TMEM163: variants seen among roughly 807,000 people sequenced by gnomAD.
The protein encoded by TMEM163 is transmembrane protein 163.
TMEM163 carries 17 observed loss-of-function variants against 29.3 expected under a neutral mutation model. The ratio of observed to expected loss-of-function variants is 0.58; its 90% CI spans 0.40 to 0.87. The LOEUF (loss-of-function observed/expected upper bound fraction) is 0.87, where lower values mean the gene tolerates loss of function less well. Among genes scored for constraint, TMEM163 ranks in the 40% least tolerant of loss-of-function variants. The pLI, the probability that TMEM163 is intolerant of heterozygous loss-of-function variation, is 0.00. For synonymous variants in TMEM163, 157 were observed against 160.6 expected, an observed-to-expected ratio of 0.98 and a Z score of 0.17; for missense variants, 303 against 381.5, an observed-to-expected ratio of 0.79 and a Z score of 1.71.
At chr2:134,682,163 T>A (rs1017696428) in intron 2 of TMEM163, among the ~76,000 whole-genome samples, 1 of 152,220 alleles carries the variant, frequency 6.6e-6, no homozygotes, top group African/African-American at 2.4e-5. Context: ...CTACTGCTAT[T>A]CTTGATGCAT....
chr2:134,589,078 A>G (rs1394855846), intron 2 of TMEM163, among the ~76,000 whole-genome samples: 1 of 152,232 alleles, frequency 6.6e-6, no homozygotes, highest in Non-Finnish European at 1.5e-5. Context: ...GGCTACTGCA[A>G]TAGTCCATGC....
intron 2 of TMEM163, among the ~76,000 whole-genome samples, chr2:134,638,638 C>T (rs1037697569): frequency 6.6e-6 from 1 of 152,086 alleles, no homozygotes. Flanking sequence ...ACAGGAGAAA[C>T]CACAGAGGGA....
chr2:134,466,485 C>T, intron 5 of TMEM163: 1 of 408,024 alleles, frequency 2.5e-6, no homozygotes, highest in South Asian at 2.6e-5. Flanking sequence ...GATTGACCTC[C>T]CCACTATTCT....
chr2:134,664,158 A>G (rs1186820586), intron 2 of TMEM163, among the ~76,000 whole-genome samples: 1 of 152,216 alleles, frequency 6.6e-6, no homozygotes, highest in African/African-American at 2.4e-5. Context: ...AAGCTCCCTC[A>G]CAGCGAGTAC....
At chr2:134,546,876 C>A (rs1680800924) in intron 4 of TMEM163, among the ~76,000 whole-genome samples, 1 of 152,022 alleles carries the variant, frequency 6.6e-6, no homozygotes, top group African/African-American at 2.4e-5. Flanking sequence ...AATTGTGTCA[C>A]ATGCTACAAA....
chr2:134,457,821 C>G (rs755292953), intron 7 of TMEM163, among the ~76,000 whole-genome samples: 7 of 152,232 alleles, frequency 4.6e-5, no homozygotes, highest in East Asian at 1.9e-4. Flanking sequence ...AGGCCTGATA[C>G]CTCTTGTCCC....
chr2:134,562,733 A>G (rs551827972), intron 2 of TMEM163, among the ~76,000 whole-genome samples: 20 of 152,352 alleles, frequency 1.3e-4, no homozygotes, highest in Non-Finnish European at 2.5e-4. Context: ...CAAAGAATAC[A>G]AGTTAAACAT....
intron 2 of TMEM163, among the ~76,000 whole-genome samples, chr2:134,576,780 C>G (rs2104790455): frequency 2.0e-5 from 3 of 152,290 alleles, no homozygotes; most frequent in Middle Eastern, 6.8e-3. Context: ...ACCTAAGTTC[C>G]TCTGATGCAC....
chr2:134,641,299 G>A (rs1683214950), intron 2 of TMEM163, among the ~76,000 whole-genome samples: 1 of 152,138 alleles, frequency 6.6e-6, no homozygotes, highest in African/African-American at 2.4e-5. Context: ...AAGAAAAAAT[G>A]GACTCTGATT....
chr2:134,674,477 G>C (rs1684062682), intron 2 of TMEM163, among the ~76,000 whole-genome samples: 1 of 148,038 alleles, frequency 6.8e-6, no homozygotes, highest in Admixed American at 6.7e-5. Flanking sequence ...CCAAGTAGCT[G>C]GGACTACAGG....
intron 6 of TMEM163, among the ~76,000 whole-genome samples, chr2:134,463,641 G>T (rs868270645): frequency 3.3e-5 from 5 of 152,212 alleles, no homozygotes; most frequent in Admixed American, 2.6e-4. Context: ...TTTAGATCCG[G>T]CTGTGCTAGA....
At chr2:134,650,241 G>A (rs1033956087) in intron 2 of TMEM163, among the ~76,000 whole-genome samples, 8 of 151,400 alleles carry the variant, frequency 5.3e-5, no homozygotes, top group East Asian at 3.9e-4. Context: ...AAAGGAGCTC[G>A]GAACCTTTAA....
intron 2 of TMEM163, among the ~76,000 whole-genome samples, chr2:134,684,255 G>A (rs989899749): frequency 1.3e-5 from 2 of 152,144 alleles, no homozygotes; most frequent in African/African-American, 4.8e-5. Context: ...CTATCTGCGA[G>A]TAAATGAAAA....
At chr2:134,503,743 G>C (rs1275809270) in intron 4 of TMEM163, among the ~76,000 whole-genome samples, 1 of 152,122 alleles carries the variant, frequency 6.6e-6, no homozygotes, top group African/African-American at 2.4e-5. Context: ...CAGGTGTGCA[G>C]TGAGGCCAAG....
chr2:134,479,149 AT>A (rs1325609337), intron 5 of TMEM163, among the ~76,000 whole-genome samples: 1 of 152,198 alleles, frequency 6.6e-6, no homozygotes, highest in Non-Finnish European at 1.5e-5. Flanking sequence ...TGAAAGATCC[AT>A]TTCTGTTGTT....
chr2:134,625,466 C>T (rs1269806850), intron 2 of TMEM163, among the ~76,000 whole-genome samples: 1 of 152,154 alleles, frequency 6.6e-6, no homozygotes, highest in Non-Finnish European at 1.5e-5. Flanking sequence ...GGGAGAGGAG[C>T]GGATTTGTGA....
intron 5 of TMEM163, among the ~76,000 whole-genome samples, chr2:134,480,532 G>C (rs1356523940): frequency 1.3e-5 from 2 of 152,170 alleles, no homozygotes; most frequent in Non-Finnish European, 2.9e-5. Flanking sequence ...ATGGCTACAG[G>C]CTATCATACT....
At chr2:134,588,070 G>C (rs1449121384) in intron 2 of TMEM163, among the ~76,000 whole-genome samples, 1 of 152,170 alleles carries the variant, frequency 6.6e-6, no homozygotes, top group Admixed American at 6.5e-5. Flanking sequence ...ATAAGCCAAA[G>C]TCTACTTACC....
At chr2:134,669,980 A>G (rs970841004) in intron 2 of TMEM163, among the ~76,000 whole-genome samples, 14 of 152,106 alleles carry the variant, frequency 9.2e-5, no homozygotes, top group Non-Finnish European at 1.5e-4. Flanking sequence ...TAACCCCATG[A>G]GGGACCCTGG....
Sources: gnomAD v4.1 joint callset for allele counts (sites outside exome capture counted in the v4.1 genomes callset) on GRCh38, gnomAD v4.1.1 for gene constraint, MANE v1.5 for transcripts, NCBI Gene and HGNC (gene_info 2026-07-23, HGNC 2026-07-21) for gene names.